Variants in SCAPER observed in about 807,000 individuals in gnomAD.
The protein encoded by SCAPER is S phase cyclin A-associated protein in the endoplasmic reticulum.
Under a neutral mutation model 182.2 loss-of-function variants are expected in SCAPER, and 98 were observed. The ratio of observed to expected loss-of-function variants is 0.54; its 90% confidence interval spans 0.46 to 0.64. The LOEUF is 0.64. Ranked by LOEUF, SCAPER falls within the 30% of genes least tolerant of loss-of-function variation. The pLI, the probability that SCAPER is intolerant of heterozygous loss-of-function variation, is 0.00. For synonymous variants in SCAPER, 605 were observed against 564.6 expected (o/e 1.07, Z -1.01); for missense variants, 1,432 against 1,690.0 (o/e 0.85, Z 2.68).
At chr15:76,686,453 C>G (rs75235441) in intron 20 of SCAPER, among the ~76,000 whole-genome samples, 1,813 of 152,184 alleles carry the variant, frequency 0.012, 23 homozygotes, top group African/African-American at 0.04. Context: ...TTATACGTCA[C>G]TGGTAAGAGT....
intron 23 of SCAPER, among the ~76,000 whole-genome samples, chr15:76,538,960 A>G (rs1056765899): frequency 6.6e-6 from 1 of 152,146 alleles, no homozygotes; most frequent in Non-Finnish European, 1.5e-5. Flanking sequence ...TATGCTAATC[A>G]TAAGTAGGTC....
chr15:76,769,558 A>G (rs1322108694), intron 10 of SCAPER, among the ~76,000 whole-genome samples: 4 of 152,208 alleles, frequency 2.6e-5, no homozygotes, highest in Non-Finnish European at 5.9e-5. Flanking sequence ...CAACAGACAC[A>G]TGAAAAAATT....
chr15:76,819,118 C>T (rs961994383), intron 5 of SCAPER, among the ~76,000 whole-genome samples: 1 of 152,228 alleles, frequency 6.6e-6, no homozygotes, highest in African/African-American at 2.4e-5. Flanking sequence ...CCCACCACTG[C>T]TCAAGGAGGC....
chr15:76,506,003 G>A (rs922899838), intron 23 of SCAPER, among the ~76,000 whole-genome samples: 3 of 152,014 alleles, frequency 2.0e-5, no homozygotes, highest in Non-Finnish European at 4.4e-5. Flanking sequence ...GAAGTAAGAC[G>A]AACTTCACAT....
At chr15:76,639,713 C>T (rs1299240196) in intron 21 of SCAPER, among the ~76,000 whole-genome samples, 3 of 151,492 alleles carry the variant, frequency 2.0e-5, no homozygotes, top group African/African-American at 4.9e-5. Flanking sequence ...CTCATACAAC[C>T]TATTCCCCCC....
At chr15:76,794,626 G>C (rs531679377) in intron 8 of SCAPER, among the ~76,000 whole-genome samples, 26 of 152,310 alleles carry the variant, frequency 1.7e-4, no homozygotes, top group African/African-American at 6.0e-4. Context: ...AAAACAGAAA[G>C]CAGTGTCTGA....
chr15:76,591,005 T>C (rs2404735), intron 22 of SCAPER, among the ~76,000 whole-genome samples: 147,634 of 152,266 alleles, frequency 0.97, 71,722 homozygotes, highest in South Asian at 1. Context: ...ACATAGAGTG[T>C]GGACTGATAA....
chr15:76,580,597 A>G (rs547454743), intron 22 of SCAPER, among the ~76,000 whole-genome samples: 23 of 152,088 alleles, frequency 1.5e-4, no homozygotes, highest in Non-Finnish European at 2.8e-4. Flanking sequence ...TCCACACATA[A>G]AAAAAAATCT....
intron 17 of SCAPER, among the ~76,000 whole-genome samples, chr15:76,727,078 A>T (rs2060639480): frequency 6.6e-6 from 1 of 152,072 alleles, no homozygotes; most frequent in Admixed American, 6.6e-5. Flanking sequence ...ACTTGGCTTG[A>T]ACATGTAAGT....
rs115580532 is a variant in SCAPER at position 76,775,915 on chromosome 15, T to C, written c.773-798A>G. Among the ~76,000 whole-genome samples the C allele has an allele frequency of 8.1e-3, 1,235 of 152,326 alleles. 13 individuals carry two copies. The highest frequency in any genetic ancestry group is 0.028 in the African/African-American group (1,167 of 41,566). Reference sequence around the variant, plus strand: ...GTATTTATATGTATAGTGGTGCTTATAGCCCCAATTGTAAATTTTTATTGG... The same window carrying C: ...GTATTTATATGTATAGTGGTGCTTACAGCCCCAATTGTAAATTTTTATTGG... On this transcript the variant is annotated intron_variant, in intron 8 of 31. Transcript: ENST00000563290.
chr15:76,405,373 T>C (rs2044754032), intron 26 of SCAPER, among the ~76,000 whole-genome samples: 1 of 152,058 alleles, frequency 6.6e-6, no homozygotes, highest in South Asian at 2.1e-4. Context: ...TGCCTCGGCC[T>C]CCTAAAGTGC....
At chr15:76,843,692 T>C (rs2069716281) in intron 4 of SCAPER, among the ~76,000 whole-genome samples, 1 of 152,068 alleles carries the variant, frequency 6.6e-6, no homozygotes. Context: ...CACAGTATTA[T>C]ACACATGCAG....
intron 22 of SCAPER, among the ~76,000 whole-genome samples, chr15:76,611,610 G>A (rs1183130610): frequency 6.6e-6 from 1 of 152,048 alleles, no homozygotes; most frequent in Admixed American, 6.6e-5. Flanking sequence ...CCAAAACCTG[G>A]CAGATACAAC....
chr15:76,500,803 G>A (rs1374350947), intron 24 of SCAPER, among the ~76,000 whole-genome samples: 1 of 152,026 alleles, frequency 6.6e-6, no homozygotes, highest in African/African-American at 2.4e-5. Context: ...GGTTGGGGAG[G>A]CCAAGGTGGG....
chr15:76,589,829 C>T (rs2048972497), intron 22 of SCAPER, among the ~76,000 whole-genome samples: 1 of 152,186 alleles, frequency 6.6e-6, no homozygotes, highest in South Asian at 2.1e-4. Flanking sequence ...AATGGCTTCC[C>T]TGGGGATGCA....
At chr15:76,597,000 G>A (rs938520997) in intron 22 of SCAPER, among the ~76,000 whole-genome samples, 5 of 121,388 alleles carry the variant, frequency 4.1e-5, no homozygotes, top group African/African-American at 1.3e-4. Flanking sequence ...ATTCAAATAG[G>A]AAGAGAGGAA....
intron 25 of SCAPER, among the ~76,000 whole-genome samples, chr15:76,465,902 C>T (rs1406307074): frequency 6.6e-6 from 1 of 152,102 alleles, no homozygotes; most frequent in Non-Finnish European, 1.5e-5. Flanking sequence ...CCCTCCACTC[C>T]CTTCTGGCCT....
At chr15:76,734,842 A>C (rs533783331) in intron 15 of SCAPER, among the ~76,000 whole-genome samples, 2 of 152,028 alleles carry the variant, frequency 1.3e-5, no homozygotes, top group Non-Finnish European at 2.9e-5. Flanking sequence ...ACTGCACTGC[A>C]CTCCAGCCTG....
At chr15:76,631,857 C>T (rs936381445) in intron 21 of SCAPER, among the ~76,000 whole-genome samples, 2 of 152,178 alleles carry the variant, frequency 1.3e-5, no homozygotes, top group African/African-American at 4.8e-5. Context: ...AGAAGTTCTC[C>T]AGGATGATAT....
Sources: gnomAD v4.1 joint callset for allele counts (sites outside exome capture counted in the v4.1 genomes callset) on GRCh38, gnomAD v4.1.1 for gene constraint, MANE v1.5 for transcripts, NCBI Gene and HGNC (gene_info 2026-07-23, HGNC 2026-07-21) for gene names.